The following PMFBP1 variants were observed in gnomAD, a reference collection of about 807,000 sequenced individuals.
PMFBP1 encodes the protein polyamine modulated factor 1 binding protein 1, also known as polyamine-modulated factor 1-binding protein 1.
A neutral mutation model predicts 137.8 loss-of-function variants in PMFBP1; 131 were observed. That is an observed-to-expected ratio of 0.95 (90% CI 0.82 to 1.10). PMFBP1 has a LOEUF of 1.10. Ranked by LOEUF, PMFBP1 falls within the 50% of genes least tolerant of loss-of-function variation. The pLI is 0.00. For missense variants in PMFBP1, 1,199 were observed against 1,175.4 expected (o/e 1.02, Z -0.29); for synonymous variants, 490 against 450.4 (o/e 1.09, Z -1.11).
chr16:72,149,406 A>G lies in PMFBP1; in HGVS notation c.636+1202T>C, dbSNP rs2042865393. On this transcript the variant is annotated intron_variant, in intron 5 of 20. Transcript: ENST00000237353. The stretch of plus-strand genomic sequence containing the variant: ...TTTGACCCAGCAATCACACTTCAAG[A>G]ATTATCCAAAAGAAATAAGGAAGTT... 2.0e-5 allele frequency among the ~76,000 whole-genome samples: 3 copies of G among 152,234 alleles called. No homozygotes were observed. In the South Asian group the frequency reaches 6.2e-4, roughly 31 times the overall value.
upstream of PMFBP1, among the ~76,000 whole-genome samples, chr16:72,179,293 T>C (rs906045645): frequency 6.6e-6 from 1 of 152,244 alleles, no homozygotes; most frequent in Non-Finnish European, 1.5e-5. Context: ...CCCCTGGTGC[T>C]ATGGGAAACA....
chr16:72,178,995 T>A (rs2043267638), upstream of PMFBP1, among the ~76,000 whole-genome samples: 1 of 152,244 alleles, frequency 6.6e-6, no homozygotes, highest in African/African-American at 2.4e-5. Context: ...ACTCTGCTTC[T>A]TGAGTTGCCC....
chr16:72,155,422 T>A (rs970333014), intron 3 of PMFBP1, among the ~76,000 whole-genome samples: 7 of 152,226 alleles, frequency 4.6e-5, no homozygotes, highest in Non-Finnish European at 8.8e-5. Flanking sequence ...TGCTAGCATG[T>A]CCTTAATGTG....
chr16:72,168,631 T>G (rs181013559), intron 2 of PMFBP1, among the ~76,000 whole-genome samples: 1 of 152,308 alleles, frequency 6.6e-6, no homozygotes, highest in East Asian at 1.9e-4. Flanking sequence ...TCTGAAGTCA[T>G]TAACAATGGC....
chr16:72,173,831 G>A (rs1244672468), upstream of PMFBP1: 1 of 152,264 alleles, frequency 6.6e-6, no homozygotes, highest in African/African-American at 2.4e-5. Context: ...GCTCATCCCA[G>A]AGGCAGGGAC....
At chr16:72,222,367 T>C in the PMFBP1 span, among the ~76,000 whole-genome samples, 1 of 152,184 alleles carries the variant, frequency 6.6e-6, no homozygotes, top group Non-Finnish European at 1.5e-5. Context: ...AGCCTCAAAC[T>C]AGAAAGGCTT....
chr16:72,205,853 G>T, the PMFBP1 span, among the ~76,000 whole-genome samples: 1 of 152,122 alleles, frequency 6.6e-6, no homozygotes, highest in African/African-American at 2.4e-5. Context: ...ACCTAAGCAG[G>T]TACGTTCTAG....
At chr16:72,213,549 ATCT>A in the PMFBP1 span, among the ~76,000 whole-genome samples, 1 of 152,118 alleles carries the variant, frequency 6.6e-6, no homozygotes, top group Non-Finnish European at 1.5e-5. Context: ...TTGGAAGTAG[ATCT>A]TCTCCTGGTT....
chr16:72,150,872 C>T (rs373720570), intron 4 of PMFBP1, 43 bp from the exon 5 acceptor site: 41 of 1,538,474 alleles, frequency 2.7e-5, no homozygotes, highest in Admixed American at 1.7e-4. Flanking sequence ...CATGGAAGCA[C>T]GTAATGAGGA....
At chr16:72,132,625 T>C in intron 10 of PMFBP1, 123 bp downstream of exon 10, 1 of 1,471,212 alleles carries the variant, frequency 6.8e-7, no homozygotes, top group Non-Finnish European at 9.2e-7. Flanking sequence ...CCTGAGAAGG[T>C]CTGCAGTGAG....
Position 72,154,192 on chromosome 16 carries a change from A to G in PMFBP1, c.414+19T>C, listed in dbSNP as rs769346859. ...GTACCTAAGAATGTGGGTTATTTCC[A>G]TGGTTAATCTGTCTATACCTCATCT... On this transcript the variant is annotated intron_variant, in intron 4 of 20. Coordinates refer to ENST00000237353, the MANE Select transcript of PMFBP1 (RefSeq NM_031293.3). The G allele has an allele frequency of 8.1e-6, 13 of 1,608,152 alleles. No homozygotes were observed. Among genetic ancestry groups the G allele is most frequent in the Admixed American group, 1.7e-5 (1 of 59,798 alleles).
the PMFBP1 span, among the ~76,000 whole-genome samples, chr16:72,228,164 T>C: frequency 6.6e-6 from 1 of 152,130 alleles, no homozygotes; most frequent in African/African-American, 2.4e-5. Context: ...GGTTCGAGCC[T>C]GGACCAATTC....
At chr16:72,148,539 TA>T (rs1365251861) in intron 5 of PMFBP1, among the ~76,000 whole-genome samples, 2 of 152,064 alleles carry the variant, frequency 1.3e-5, no homozygotes, top group Non-Finnish European at 2.9e-5. Flanking sequence ...TAAAAAAAAT[TA>T]AAATATTTTG....
At chr16:72,135,359 G>GT (rs869071984) in intron 9 of PMFBP1, among the ~76,000 whole-genome samples, 12,556 of 131,104 alleles carry the variant, frequency 0.096, 719 homozygotes, top group East Asian at 0.15. Context: ...GTGTGTGTGT[G>GT]TTTTTTTTTT....
At chr16:72,197,612 C>A in the PMFBP1 span, among the ~76,000 whole-genome samples, 1 of 152,286 alleles carries the variant, frequency 6.6e-6, no homozygotes, top group African/African-American at 2.4e-5. Flanking sequence ...CGGCTGCCCT[C>A]CTCCTCCACT....
In PMFBP1 at chr16:72,154,197, T is replaced by C. The variant is rs1222519064; in HGVS notation, c.414+14A>G. 1 of 1,610,912 alleles carries C rather than the reference T, an allele frequency of 6.2e-7. No individual in the cohort carries two copies. On this transcript the variant is annotated intron_variant, in intron 4 of 20. Transcript: ENST00000237353. ...TAAGAATGTGGGTTATTTCCATGGT[T>C]AATCTGTCTATACCTCATCTTCTTT...
Position 72,140,403 on chromosome 16 carries a change from G to A in PMFBP1, c.807+9C>T, listed in dbSNP as rs1345116157. The stretch of plus-strand genomic sequence containing the variant: ...CTCCCAGAGACATGTTCTAGAAGAA[G>A]GCACTTACCAAAGCGTTACTGCAGG... On this transcript the variant is annotated intron_variant, in intron 6 of 20. Coordinates refer to ENST00000237353, the MANE Select transcript of PMFBP1 (RefSeq NM_031293.3). 6.2e-7 allele frequency: 1 copy of A among 1,607,986 alleles called. No individual in the cohort carries two copies. Among genetic ancestry groups the A allele is most frequent in the Non-Finnish European group, 8.5e-7 (1 of 1,174,504 alleles).
chr16:72,117,774 T>C (rs1415167031), downstream of PMFBP1, among the ~76,000 whole-genome samples: 1 of 152,222 alleles, frequency 6.6e-6, no homozygotes, highest in East Asian at 1.9e-4. Context: ...CGAACTACTT[T>C]TTAGGAGCTC....
Position 72,119,428 on chromosome 16 carries a change from G to A in PMFBP1, c.3008-74C>T, listed in dbSNP as rs560056177. 5.3e-5 allele frequency: 85 copies of A among 1,611,882 alleles called. 1 individual carries two copies. The South Asian group carries it at 5.6e-4, about 11-fold the overall frequency. On this transcript the variant is annotated intron_variant, in intron 20 of 20. Coordinates refer to ENST00000237353, the MANE Select transcript of PMFBP1 (RefSeq NM_031293.3). ...CGAGGTGATTCCTCAAGGGCTGGCC[G>A]CATGGCCAGGCAGCTCTGCTGCAGG...
Sources: gnomAD v4.1 joint callset for allele counts (sites outside exome capture counted in the v4.1 genomes callset) on GRCh38, gnomAD v4.1.1 for gene constraint, MANE v1.5 for transcripts, NCBI Gene and HGNC (gene_info 2026-07-23, HGNC 2026-07-21) for gene names.